Variants in ADORA2A observed in about 807,000 individuals in gnomAD.
ADORA2A encodes the protein adenosine A2a receptor, also known as adenosine receptor A2a.
In ADORA2A, 11 loss-of-function variants were observed where a neutral mutation model predicts 18.4. That is an observed-to-expected ratio of 0.60 (90% CI 0.38 to 0.99). The LOEUF is 0.99. Among genes scored for constraint, ADORA2A ranks in the 50% least tolerant of loss-of-function variants. ADORA2A has a pLI of 0.01. For missense variants in ADORA2A, 449 were observed against 556.1 expected (o/e 0.81, Z 1.94); for synonymous variants, 218 against 237.3 (o/e 0.92, Z 0.75).
upstream of ADORA2A, among the ~76,000 whole-genome samples, chr22:24,425,159 T>TC (rs1347522927): frequency 6.6e-6 from 1 of 151,576 alleles, no homozygotes; most frequent in South Asian, 2.1e-4. Context: ...CTGCCGATAC[T>TC]CCATGACGCG....
chr22:24,428,841 C>T (rs915343029), intron 1 of ADORA2A, among the ~76,000 whole-genome samples: 2 of 152,248 alleles, frequency 1.3e-5, no homozygotes, highest in Non-Finnish European at 2.9e-5. Context: ...AGGTCCCCTG[C>T]CATATGCTCA....
In ADORA2A at chr22:24,441,527, T is replaced by A. The variant is rs373637651; in HGVS notation, c.*38T>A. The A allele has an allele frequency of 1.5e-5, 22 of 1,468,556 alleles. No individual in the cohort carries two copies. The highest frequency in any genetic ancestry group is 2.0e-5 in the Non-Finnish European group (22 of 1,110,050). 91.0% of individuals were successfully genotyped at this position (1,468,556 alleles called of 1,614,324 possible). On this transcript the variant is annotated 3_prime_UTR_variant, in exon 3 of 3. Transcript: ENST00000337539. ...TTTGCCCCTTCCTAAGGGAAGGAGA[T>A]CTTTATCTTTCTGGTTGGCTTGACC...
chr22:24,424,126 G>A (rs113892861), upstream of ADORA2A, among the ~76,000 whole-genome samples: 3 of 151,802 alleles, frequency 2.0e-5, no homozygotes, highest in Non-Finnish European at 4.4e-5. The surrounding 1 kb of genome is among the most constrained non-coding windows in gnomAD (Gnocchi z 4.9). Context: ...CTTTCCCGCC[G>A]CCCCGAGACC....
At chr22:24,427,796 C>T (rs1160278520) in intron 1 of ADORA2A, 50 bp downstream of exon 1, 2 of 152,328 alleles carry the variant, frequency 1.3e-5, no homozygotes, top group African/African-American at 4.8e-5. Flanking sequence ...CTTCCTGGCC[C>T]CTAGCCTGGA....
intron 2 of ADORA2A, chr22:24,438,260 C>T (rs2043227163): frequency 6.6e-6 from 1 of 152,234 alleles, no homozygotes; most frequent in African/African-American, 2.4e-5. Flanking sequence ...AATGAAGAAA[C>T]TGAGGCTCAG....
Position 24,433,632 on chromosome 22 carries a change from CTGCCTCTTCAT to C in ADORA2A, c.234_244del (p.Phe79LeufsTer19). 6.2e-7 allele frequency: 1 copy of C among 1,613,836 alleles called. No individual in the cohort carries two copies. The highest frequency in any genetic ancestry group is 8.5e-7 in the Non-Finnish European group (1 of 1,180,048). On this transcript the variant is annotated frameshift_variant, in exon 2 of 3. Coordinates refer to ENST00000337539, the MANE Select transcript of ADORA2A (RefSeq NM_000675.6). LOFTEE classifies it high-confidence loss of function. The stretch of plus-strand genomic sequence containing the variant: ...CCGGGTTCTGCGCTGCCTGCCACGG[CTGCCTCTTCAT>C]TGCCTGCTTCGTCCTGGTCCTCACG...
rs373701218 is a variant in ADORA2A, at chr22:24,433,394, C to T, written c.-11C>T. On this transcript the variant is annotated 5_prime_UTR_variant, in exon 2 of 3. Coordinates refer to ENST00000337539, the MANE Select transcript of ADORA2A (RefSeq NM_000675.6). ...CCGCGTCCGTGCTGAGCCTGCCTGTCGTCTGTGGCCATGCCCATCATGGGC... is the reference window on the plus strand; with the variant it reads ...CCGCGTCCGTGCTGAGCCTGCCTGTTGTCTGTGGCCATGCCCATCATGGGC... 1.4e-5 allele frequency: 23 copies of T among 1,602,642 alleles called. No homozygotes were observed. In the African/African-American group the frequency reaches 1.5e-4, roughly 10 times the overall value.
intron 1 of ADORA2A, chr22:24,431,671 C>G (rs1484876707): frequency 5.5e-6 from 2 of 365,974 alleles, no homozygotes; most frequent in Non-Finnish European, 1.1e-5. Flanking sequence ...TCATAGGGCC[C>G]CATGAGGGTT....
At chr22:24,434,640 G>C (rs1426134170) in intron 2 of ADORA2A, among the ~76,000 whole-genome samples, 1 of 152,236 alleles carries the variant, frequency 6.6e-6, no homozygotes, top group Non-Finnish European at 1.5e-5. Context: ...GAGGCTTGAG[G>C]TGGTGCCTCT....
At chr22:24,431,272 C>T (rs1246151436) in intron 1 of ADORA2A, 4 of 456,780 alleles carry the variant, frequency 8.8e-6, no homozygotes, top group East Asian at 6.9e-5. Flanking sequence ...CTCTCTCCTT[C>T]CTCCTCCTGC....
chr22:24,435,934 T>C (rs1297469909), intron 2 of ADORA2A, among the ~76,000 whole-genome samples: 1 of 152,044 alleles, frequency 6.6e-6, no homozygotes, highest in Non-Finnish European at 1.5e-5. Flanking sequence ...CATCCTCCCT[T>C]GAGGGCAGAG....
At position 24,441,706 on chromosome 22, in the gene ADORA2A, C is replaced by G. The variant is rs1353751562; in HGVS notation, c.*217C>G. The G allele has an allele frequency of 1.1e-5, 5 of 441,668 alleles. No homozygotes were observed. Among genetic ancestry groups the G allele is most frequent in the South Asian group, 1.4e-4 (2 of 14,382 alleles). 27.4% of individuals were successfully genotyped at this position (441,668 alleles called of 1,614,324 possible). Reference sequence around the variant, plus strand: ...GAAGCAGATGTTTCATGCTGTGAGGCCTTGCACCAGGTGGGGGCCACAGCA... The same window carrying G: ...GAAGCAGATGTTTCATGCTGTGAGGGCTTGCACCAGGTGGGGGCCACAGCA... On this transcript the variant is annotated 3_prime_UTR_variant, in exon 3 of 3. Transcript: ENST00000337539.
At chr22:24,438,118 A>G (rs2146912738) in intron 2 of ADORA2A, among the ~76,000 whole-genome samples, 1 of 152,350 alleles carries the variant, frequency 6.6e-6, no homozygotes, top group Admixed American at 6.5e-5. Flanking sequence ...TCTCCTGTGA[A>G]CAGCTCAGCT....
intron 1 of ADORA2A, chr22:24,430,986 C>T (rs2043017884): frequency 5.3e-6 from 2 of 378,942 alleles, no homozygotes; most frequent in Admixed American, 5.9e-5. Context: ...GGGGCCAGCA[C>T]CAGCTCCACT....
At chr22:24,440,055 CT>C (rs1207497510) in intron 2 of ADORA2A, among the ~76,000 whole-genome samples, 7 of 152,014 alleles carry the variant, frequency 4.6e-5, no homozygotes, top group African/African-American at 1.7e-4. Context: ...GGCCTAGATC[CT>C]CTATAGGTCT....
At chr22:24,433,894 C>A (rs1401031576) in intron 2 of ADORA2A, among the ~76,000 whole-genome samples, 158 bp downstream of exon 2, 2 of 152,250 alleles carry the variant, frequency 1.3e-5, no homozygotes, top group African/African-American at 2.4e-5. Context: ...CTCCCCAGGG[C>A]CAGCACGTGG....
upstream of ADORA2A, among the ~76,000 whole-genome samples, chr22:24,426,587 G>A (rs569291051): frequency 1.4e-4 from 21 of 152,278 alleles, no homozygotes; most frequent in South Asian, 1.0e-3. Context: ...GTGCAGAGAG[G>A]AGCCCCCACA....
upstream of ADORA2A, chr22:24,427,551 C>G (rs2042931840): frequency 6.6e-6 from 1 of 152,404 alleles, no homozygotes; most frequent in Admixed American, 6.5e-5. Flanking sequence ...CGTGACGTGA[C>G]GTGGCTCACC....
At chr22:24,434,429 CA>C (rs2043124278) in intron 2 of ADORA2A, among the ~76,000 whole-genome samples, 1 of 152,238 alleles carries the variant, frequency 6.6e-6, no homozygotes, top group African/African-American at 2.4e-5. Flanking sequence ...GAAGTGACTT[CA>C]GCCAAGTAAT....
Sources: gnomAD v4.1 joint callset for allele counts (sites outside exome capture counted in the v4.1 genomes callset) on GRCh38, gnomAD v4.1.1 for gene constraint, Gnocchi (gnomAD v3.1) non-coding constraint, MANE v1.5 for transcripts, NCBI Gene and HGNC (gene_info 2026-07-23, HGNC 2026-07-21) for gene names.